The following AP3M1 variants were observed in gnomAD, a reference collection of about 807,000 sequenced individuals.
The protein encoded by AP3M1 is AP-3 complex subunit mu-1.
Under a neutral mutation model 42.6 loss-of-function variants are expected in AP3M1, and 29 were observed. That is an observed-to-expected ratio of 0.68 (90% CI 0.51 to 0.93). The LOEUF is 0.93. Ranked by LOEUF, AP3M1 falls within the 40% of genes least tolerant of loss-of-function variation. AP3M1 has a pLI of 0.00. For missense variants in AP3M1, 416 were observed against 510.2 expected (o/e 0.82, Z 1.78); for synonymous variants, 178 against 175.3 (o/e 1.02, Z -0.12).
intron 4 of AP3M1, among the ~76,000 whole-genome samples, chr10:74,133,741 G>C (rs1840853835): frequency 6.7e-6 from 1 of 148,754 alleles, no homozygotes; most frequent in African/African-American, 2.5e-5. Flanking sequence ...TGCAACCTCT[G>C]CCTCCTGGGT....
At position 74,129,254 on chromosome 10, in the gene AP3M1, C is replaced by T; in HGVS notation, c.670-13G>A. 6.2e-7 allele frequency: 1 copy of T among 1,613,300 alleles called. No individual in the cohort carries two copies. The highest frequency in any genetic ancestry group is 8.5e-7 in the Non-Finnish European group (1 of 1,179,780). On this transcript the variant is annotated splice_polypyrimidine_tract_variant and intron_variant, in intron 5 of 8. Transcript: ENST00000355264. ...GAAGCCTAGGGTTCTGCCAGAAAAA[C>T]AGAAGACAGTCGTTCATAGACTATA...
In AP3M1 at chr10:74,124,507, C is replaced by T. The variant is rs928311983; in HGVS notation, c.1029G>A (p.Val343=). The T allele has an allele frequency of 3.1e-6, 5 of 1,608,750 alleles. No individual in the cohort carries two copies. The Admixed American group carries it at 5.1e-5, about 16-fold the overall frequency. The change falls in exon 8 of 9, where the codon GTG becomes GTA. Residue 343 remains valine (V), a synonymous_variant. Transcript: ENST00000355264. ...GGAGCTTTTGTGGAGTAATTTTTCC[C>T]ACATCCCATGTTAGTACCTTAAAAA... is the stretch of plus-strand genomic sequence containing the variant. ...DPVTKVLTWD[V]GKITPQKLPS...
chr10:74,129,792 TGA>T (rs2131968359), intron 5 of AP3M1, 113 bp downstream of exon 5: 1 of 755,896 alleles, frequency 1.3e-6, no homozygotes, highest in South Asian at 1.6e-5. Flanking sequence ...GGAATATTTC[TGA>T]GATAATCCTT....
intron 7 of AP3M1, among the ~76,000 whole-genome samples, chr10:74,125,721 G>C (rs1840593680): frequency 6.6e-6 from 1 of 152,178 alleles, no homozygotes; most frequent in Non-Finnish European, 1.5e-5. Context: ...CCCTGTGAAA[G>C]AGTATGAAAT....
At chr10:74,132,132 G>A (rs1840796246) in intron 4 of AP3M1, among the ~76,000 whole-genome samples, 1 of 151,914 alleles carries the variant, frequency 6.6e-6, no homozygotes, top group South Asian at 2.1e-4. Context: ...CTGCCTCCCA[G>A]GGTCAAGCAA....
chr10:74,124,499 AT>A lies in AP3M1; in HGVS notation c.1036del (p.Ile346LeufsTer13). On this transcript the variant is annotated frameshift_variant, in exon 8 of 9. Transcript: ENST00000355264. LOFTEE classifies it high-confidence loss of function. ...TKVLTWDVGK[I>X]TPQKLPSLKG... is the part of the protein sequence containing the mutation. ...AAGACTTGGGAGCTTTTGTGGAGTAATTTTTCCCACATCCCATGTTAGTACC... is the reference window on the plus strand; with the variant it reads ...AAGACTTGGGAGCTTTTGTGGAGTAATTTTCCCACATCCCATGTTAGTACC... 1 of 1,609,764 alleles carries A rather than the reference AT, an allele frequency of 6.2e-7. No individual in the cohort carries two copies. Among genetic ancestry groups the A allele is most frequent in the East Asian group, 2.2e-5 (1 of 44,852 alleles).
At chr10:74,139,548 G>C (rs1218343135) in intron 1 of AP3M1, among the ~76,000 whole-genome samples, 1 of 151,636 alleles carries the variant, frequency 6.6e-6, no homozygotes, top group Admixed American at 6.6e-5. Context: ...TGGGGAGGCC[G>C]AGGCAGGTGG....
intron 1 of AP3M1, among the ~76,000 whole-genome samples, chr10:74,139,459 A>C (rs1235696928): frequency 1.3e-5 from 2 of 151,650 alleles, no homozygotes; most frequent in East Asian, 3.9e-4. Flanking sequence ...ATTAAAAAAA[A>C]AAAAACAAAA....
chr10:74,132,333 C>T (rs577459795), intron 4 of AP3M1, among the ~76,000 whole-genome samples: 6 of 152,170 alleles, frequency 3.9e-5, no homozygotes, highest in East Asian at 3.9e-4. Context: ...CCACCATGCC[C>T]GGCTGCTATT....
intron 4 of AP3M1, among the ~76,000 whole-genome samples, 184 bp from the exon 5 acceptor site, chr10:74,130,176 C>A (rs1354685408): frequency 6.6e-6 from 1 of 152,024 alleles, no homozygotes; most frequent in Admixed American, 6.6e-5. Flanking sequence ...TCAAGTAATC[C>A]TCCTGCCCTA....
chr10:74,127,679 A>G (rs1178281532), intron 6 of AP3M1, among the ~76,000 whole-genome samples: 1 of 152,012 alleles, frequency 6.6e-6, no homozygotes, highest in Non-Finnish European at 1.5e-5. Context: ...AAACAAAACA[A>G]AATAACATAA....
At chr10:74,127,618 C>T (rs1840657350) in intron 6 of AP3M1, among the ~76,000 whole-genome samples, 1 of 151,516 alleles carries the variant, frequency 6.6e-6, no homozygotes, top group Admixed American at 6.6e-5. Flanking sequence ...AAGATCACAC[C>T]ATTGCACTCC....
chr10:74,133,660 T>C (rs1003563589), intron 4 of AP3M1, among the ~76,000 whole-genome samples: 1 of 151,666 alleles, frequency 6.6e-6, no homozygotes, highest in Non-Finnish European at 1.5e-5. Context: ...TTTCTTTTCC[T>C]TTCTTCTTCT....
rs1364026934 is a variant in AP3M1 at position 74,123,056 on chromosome 10, A to G, written c.*754T>C. 2 of 152,656 alleles carry G rather than the reference A, an allele frequency of 1.3e-5. No individual in the cohort carries two copies. Among genetic ancestry groups the G allele is most frequent in the African/African-American group, 4.8e-5 (2 of 41,466 alleles). 9.5% of individuals were successfully genotyped at this position (152,656 alleles called of 1,614,324 possible). On this transcript the variant is annotated 3_prime_UTR_variant, in exon 9 of 9. Transcript: ENST00000355264. ...TAATGTTCCCTTTTACTACCTTAAT[A>G]AAGCATTTGCCCCTTTGATACAAAT...
Position 74,124,388 on chromosome 10 carries a change from G to C in AP3M1, c.1148C>G (p.Ala383Gly), listed in dbSNP as rs1840554768. The change falls in exon 8 of 9, where the codon GCT (alanine) becomes GGT (glycine). Residue 383 changes from alanine (A) to glycine (G), a missense_variant. Physicochemically the swap from Ala to Gly is moderately conservative, Grantham distance 60 (BLOSUM62 0). Coordinates refer to ENST00000355264, the MANE Select transcript of AP3M1 (RefSeq NM_012095.6). ...LNIQFKIQQL[A>G]ISGLKVNRLD... is the part of the protein sequence containing the mutation. ...GTCAACCTTATCCTTACCTGAAATA[G>C]CAAGCTGCTGGATCTTAAACTGTAT... 1 of 1,605,822 alleles carries C rather than the reference G, an allele frequency of 6.2e-7. No homozygotes were observed. Among genetic ancestry groups the C allele is most frequent in the African/African-American group, 1.3e-5 (1 of 74,316 alleles).
chr10:74,138,126 C>T lies in AP3M1; in HGVS notation c.254G>A (p.Arg85Gln), dbSNP rs368160847. The stretch of plus-strand genomic sequence containing the variant: ...ACCAACCTGAAAAGTGTCAGCAACT[C>T]GATGTAGGAACTCAATTACAAAGAG... The part of the protein sequence containing the change: ...PPLFVIEFLH[R>Q]VADTFQDYFG... The change falls in exon 2 of 9, where the codon CGA becomes CAA. Residue 85 changes from arginine to glutamine, a missense_variant. Coordinates refer to ENST00000355264, the MANE Select transcript of AP3M1 (RefSeq NM_012095.6). 21 of 1,613,542 alleles carry T rather than the reference C, an allele frequency of 1.3e-5. No homozygotes were observed. In the Admixed American group the frequency reaches 2.0e-4, roughly 15 times the overall value.
At chr10:74,139,012 G>C (rs897804457) in intron 1 of AP3M1, 8 of 142,442 alleles carry the variant, frequency 5.6e-5, no homozygotes, top group Non-Finnish European at 1.5e-5. Flanking sequence ...AAAGGTGAAA[G>C]ACCGAACACT....
chr10:74,140,141 C>A (rs377209757), intron 1 of AP3M1, among the ~76,000 whole-genome samples: 1 of 152,288 alleles, frequency 6.6e-6, no homozygotes, highest in South Asian at 2.1e-4. Context: ...GTTCCAAGGA[C>A]CTGGGAGGAG....
At chr10:74,124,632 C>A in intron 7 of AP3M1, 108 bp from the exon 8 acceptor site, 2 of 916,910 alleles carry the variant, frequency 2.2e-6, no homozygotes, top group Non-Finnish European at 3.2e-6. Context: ...GAAGTGCAGT[C>A]TCTTGAAAAC....
Sources: allele counts gnomAD v4.1 joint callset (sites outside exome capture counted in the v4.1 genomes callset), GRCh38; gene constraint gnomAD v4.1.1; transcripts MANE v1.5; gene names NCBI Gene and HGNC (gene_info 2026-07-23, HGNC 2026-07-21).